The following DLC1 variants were observed in gnomAD, a reference collection of about 807,000 sequenced individuals.
DLC1 encodes rho GTPase-activating protein 7.
In DLC1, 54 loss-of-function variants were observed where a neutral mutation model predicts 140.3. The ratio of observed to expected loss-of-function variants is 0.38; its 90% CI spans 0.31 to 0.48. The LOEUF (loss-of-function observed/expected upper bound fraction) is 0.48, where lower values mean the gene tolerates loss of function less well. DLC1 is among the 20% of genes least tolerant of loss of function. DLC1 has a pLI of 0.96. For missense variants in DLC1, 2,536 were observed against 1,907.0 expected (o/e 1.33, Z -6.14); for synonymous variants, 986 against 728.1 (o/e 1.35, Z -5.70).
chr8:13,365,215 G>A (rs1835424497), intron 4 of DLC1, among the ~76,000 whole-genome samples: 1 of 152,124 alleles, frequency 6.6e-6, no homozygotes, highest in Non-Finnish European at 1.5e-5. Context: ...ACTTAAATTA[G>A]GAGAAAAATA....
chr8:13,576,894 C>A (rs184470075), intron 1 of DLC1, among the ~76,000 whole-genome samples: 1 of 152,162 alleles, frequency 6.6e-6, no homozygotes, highest in Non-Finnish European at 1.5e-5. Flanking sequence ...CCAAGCGTGG[C>A]TGTTGAAAAT....
chr8:13,196,447 C>A (rs1226431099), intron 5 of DLC1, among the ~76,000 whole-genome samples: 1 of 152,070 alleles, frequency 6.6e-6, no homozygotes, highest in Non-Finnish European at 1.5e-5. Context: ...AGGTCTATTG[C>A]TCATTACTGC....
chr8:13,529,792 G>A (rs1803039873), intron 1 of DLC1, among the ~76,000 whole-genome samples: 2 of 152,126 alleles, frequency 1.3e-5, no homozygotes, highest in Admixed American at 6.6e-5. Context: ...AGTTTTTCCT[G>A]TAATACAAAT....
intron 1 of DLC1, among the ~76,000 whole-genome samples, chr8:13,506,512 C>A (rs1802071059): frequency 6.7e-6 from 1 of 148,206 alleles, no homozygotes; most frequent in African/African-American, 2.5e-5. Flanking sequence ...TCGTGTTCTC[C>A]ACCTACTGCT....
At chr8:13,089,117 G>A (rs1473445411) in intron 15 of DLC1, among the ~76,000 whole-genome samples, 1 of 151,958 alleles carries the variant, frequency 6.6e-6, no homozygotes, top group Non-Finnish European at 1.5e-5. Flanking sequence ...AAATTAGCCA[G>A]GCGTGGTGGC....
chr8:13,122,949 C>G (rs1821223625), intron 5 of DLC1, among the ~76,000 whole-genome samples: 1 of 152,116 alleles, frequency 6.6e-6, no homozygotes, highest in African/African-American at 2.4e-5. Flanking sequence ...GCTAATCATC[C>G]TACATTTTCC....
intron 4 of DLC1, among the ~76,000 whole-genome samples, chr8:13,391,362 A>T (rs2117205702): frequency 6.6e-6 from 1 of 152,350 alleles, no homozygotes; most frequent in Admixed American, 6.5e-5. Context: ...ACACCTGAAC[A>T]GCTGGATACT....
intron 2 of DLC1, among the ~76,000 whole-genome samples, chr8:13,487,036 G>A (rs28504607): frequency 0.13 from 20,534 of 152,164 alleles, 1,874 homozygotes; most frequent in African/African-American, 0.24. Flanking sequence ...CCGGCCCTCT[G>A]AGGGAAGTCT....
At chr8:13,601,374 T>C (rs113027468) in intron 1 of DLC1, among the ~76,000 whole-genome samples, 10 of 151,952 alleles carry the variant, frequency 6.6e-5, no homozygotes, top group African/African-American at 2.2e-4. Flanking sequence ...AGTAGTCTAC[T>C]CATTTAGTCT....
intron 5 of DLC1, among the ~76,000 whole-genome samples, chr8:13,297,184 A>T (rs1831989833): frequency 6.7e-6 from 1 of 149,012 alleles, no homozygotes; most frequent in East Asian, 2.0e-4. Context: ...TTCACGGATT[A>T]GTTTACATTA....
At chr8:13,325,572 A>G (rs926982926) in intron 4 of DLC1, among the ~76,000 whole-genome samples, 16 of 152,222 alleles carry the variant, frequency 1.1e-4, no homozygotes, top group African/African-American at 1.9e-4. Flanking sequence ...AGGCAGAGAC[A>G]TAAACAAAGC....
intron 2 of DLC1, among the ~76,000 whole-genome samples, chr8:13,461,354 A>G (rs1799647066): frequency 1.3e-5 from 2 of 152,200 alleles, no homozygotes; most frequent in African/African-American, 2.4e-5. Flanking sequence ...AATCCACACA[A>G]TATGTCTGAA....
At chr8:13,482,973 C>T (rs1412014647) in intron 2 of DLC1, among the ~76,000 whole-genome samples, 1 of 152,208 alleles carries the variant, frequency 6.6e-6, no homozygotes, top group Non-Finnish European at 1.5e-5. Flanking sequence ...ACAAACTTAA[C>T]TGTTCTAAAA....
intron 5 of DLC1, among the ~76,000 whole-genome samples, chr8:13,153,523 C>T (rs1336304657): frequency 6.6e-6 from 1 of 152,194 alleles, no homozygotes; most frequent in Non-Finnish European, 1.5e-5. Flanking sequence ...ACTGCTGGCT[C>T]CAGCAGCCTG....
chr8:13,288,046 A>C (rs989972832), intron 5 of DLC1, among the ~76,000 whole-genome samples: 2 of 152,150 alleles, frequency 1.3e-5, no homozygotes, highest in African/African-American at 4.8e-5. Context: ...GCAATGGTTG[A>C]ATTATAATAA....
intron 5 of DLC1, among the ~76,000 whole-genome samples, chr8:13,156,806 T>G (rs1213619424): frequency 6.6e-6 from 1 of 152,226 alleles, no homozygotes; most frequent in Non-Finnish European, 1.5e-5. Flanking sequence ...ACTACTAGAT[T>G]TATCCAGGGG....
chr8:13,570,183 T>C (rs1585286203), intron 1 of DLC1, among the ~76,000 whole-genome samples: 2 of 152,358 alleles, frequency 1.3e-5, no homozygotes, highest in African/African-American at 2.4e-5. Context: ...TTTACCTTTC[T>C]ATTCTCATGT....
intron 2 of DLC1, among the ~76,000 whole-genome samples, chr8:13,410,307 A>G (rs1210180055): frequency 1.3e-5 from 2 of 152,172 alleles, no homozygotes; most frequent in African/African-American, 2.4e-5. Flanking sequence ...AAATATTTCT[A>G]TAAAACTAGG....
At chr8:13,168,991 T>A (rs1825284183) in intron 5 of DLC1, among the ~76,000 whole-genome samples, 1 of 152,206 alleles carries the variant, frequency 6.6e-6, no homozygotes. Flanking sequence ...GTAGAAAAGG[T>A]CATGGGTATA....
Sources: gnomAD v4.1 joint callset for allele counts (sites outside exome capture counted in the v4.1 genomes callset) on GRCh38, gnomAD v4.1.1 for gene constraint, MANE v1.5 for transcripts, NCBI Gene and HGNC (gene_info 2026-07-23, HGNC 2026-07-21) for gene names.